Variants in CCSER1 observed in about 807,000 individuals in gnomAD.
CCSER1 encodes the protein coiled-coil serine rich protein 1, also known as serine-rich coiled-coil domain-containing protein 1.
A neutral mutation model predicts 82.0 loss-of-function variants in CCSER1; 41 were observed. That is an observed-to-expected ratio of 0.50 (90% confidence interval 0.39 to 0.65). CCSER1 has a LOEUF of 0.65. Among genes scored for constraint, CCSER1 ranks in the 30% least tolerant of loss-of-function variants. The probability of loss-of-function intolerance (pLI) is 0.00; values close to 1 mark genes in which losing one functional copy is unlikely to be tolerated. For missense variants in CCSER1, 1,119 were observed against 1,064.2 expected (o/e 1.05, Z -0.72); for synonymous variants, 414 against 383.9 (o/e 1.08, Z -0.92).
chr4:91,559,461 C>G (rs1400351), intron 10 of CCSER1, among the ~76,000 whole-genome samples: 81,513 of 151,146 alleles, frequency 0.54, 22,196 homozygotes, highest in East Asian at 0.61. Context: ...ATTTTTCCCC[C>G]TGGGATATTT....
intron 1 of CCSER1, among the ~76,000 whole-genome samples, chr4:90,304,078 C>T (rs1733735316): frequency 6.6e-6 from 1 of 152,080 alleles, no homozygotes; most frequent in African/African-American, 2.4e-5. Flanking sequence ...CAGAGAAATG[C>T]AAATCAAAAC....
chr4:90,388,693 T>A (rs1750485888), intron 3 of CCSER1, among the ~76,000 whole-genome samples: 1 of 152,022 alleles, frequency 6.6e-6, no homozygotes, highest in Non-Finnish European at 1.5e-5. Flanking sequence ...TGGAGTGCAA[T>A]GTCGTGATCT....
intron 10 of CCSER1, among the ~76,000 whole-genome samples, chr4:91,450,150 C>T (rs1359977248): frequency 6.6e-6 from 1 of 151,996 alleles, no homozygotes; most frequent in African/African-American, 2.4e-5. Flanking sequence ...TCATGCTGTG[C>T]AAGAGAATTG....
At chr4:90,797,799 C>T (rs79666322) in intron 7 of CCSER1, among the ~76,000 whole-genome samples, 14,732 of 152,060 alleles carry the variant, frequency 0.097, 1,054 homozygotes, top group African/African-American at 0.2. Flanking sequence ...GAATATAGGC[C>T]GCCAATGTCT....
intron 8 of CCSER1, among the ~76,000 whole-genome samples, chr4:90,916,718 G>A (rs1727490063): frequency 6.6e-6 from 1 of 152,128 alleles, no homozygotes; most frequent in Non-Finnish European, 1.5e-5. Flanking sequence ...CCATCAGAGT[G>A]AACAGGCAAC....
In CCSER1 at chr4:90,311,080, G is replaced by T. The variant is rs181126662; in HGVS notation, c.1324+1472G>T. Among the ~76,000 whole-genome samples the T allele has an allele frequency of 5.9e-5, 9 of 152,052 alleles. No individual in the cohort carries two copies. The East Asian group carries it at 1.7e-3, about 29-fold the overall frequency. On this transcript the variant is annotated intron_variant, in intron 2 of 10. Coordinates refer to ENST00000509176, the MANE Select transcript of CCSER1 (RefSeq NM_001145065.2). ...TGCCCAAAAATGTACTAAGAAGATTGCATGCACTGTTTCATATAGTCCTTA... is the reference window on the plus strand; with the variant it reads ...TGCCCAAAAATGTACTAAGAAGATTTCATGCACTGTTTCATATAGTCCTTA...
intron 8 of CCSER1, among the ~76,000 whole-genome samples, chr4:90,921,401 A>G (rs1241768335): frequency 2.0e-5 from 3 of 152,012 alleles, no homozygotes; most frequent in Non-Finnish European, 4.4e-5. Context: ...AAATAATTCA[A>G]ACACATCATT....
intron 8 of CCSER1, among the ~76,000 whole-genome samples, chr4:90,902,522 G>T (rs1158306138): frequency 6.6e-6 from 1 of 151,876 alleles, no homozygotes; most frequent in Non-Finnish European, 1.5e-5. Context: ...TGTTTTCTAT[G>T]ATATTTTGGC....
intron 8 of CCSER1, among the ~76,000 whole-genome samples, chr4:90,840,278 T>C (rs1762422697): frequency 6.6e-6 from 1 of 152,176 alleles, no homozygotes; most frequent in South Asian, 2.1e-4. Flanking sequence ...GTATCTTAAT[T>C]CAGAATTAGA....
intron 10 of CCSER1, among the ~76,000 whole-genome samples, chr4:91,430,140 G>T (rs916614970): frequency 6.6e-5 from 10 of 151,788 alleles, no homozygotes; most frequent in Admixed American, 2.6e-4. Flanking sequence ...TGGGATACTT[G>T]GTATATATGT....
chr4:91,275,608 C>T (rs147853512), intron 10 of CCSER1, among the ~76,000 whole-genome samples: 22 of 152,140 alleles, frequency 1.4e-4, no homozygotes, highest in East Asian at 1.4e-3. Context: ...CAAATATTTT[C>T]TCTCATTCTA....
intron 4 of CCSER1, among the ~76,000 whole-genome samples, chr4:90,423,563 C>T (rs1230952644): frequency 2.0e-5 from 3 of 151,938 alleles, no homozygotes; most frequent in Non-Finnish European, 4.4e-5. Context: ...TAACCTCCGC[C>T]TCCTGAGTTT....
At chr4:91,506,344 T>A (rs1395264014) in intron 10 of CCSER1, among the ~76,000 whole-genome samples, 2 of 152,166 alleles carry the variant, frequency 1.3e-5, no homozygotes, top group Non-Finnish European at 2.9e-5. Flanking sequence ...AGCCTTGTAT[T>A]CTAGTTTGAA....
At chr4:91,285,565 T>C (rs569693334) in intron 10 of CCSER1, among the ~76,000 whole-genome samples, 1 of 151,918 alleles carries the variant, frequency 6.6e-6, no homozygotes, top group African/African-American at 2.4e-5. Flanking sequence ...TTAATCCTAC[T>C]AAAAATAGAA....
At chr4:91,261,189 G>C (rs1239415051) in intron 10 of CCSER1, among the ~76,000 whole-genome samples, 1 of 152,100 alleles carries the variant, frequency 6.6e-6, no homozygotes, top group Non-Finnish European at 1.5e-5. Context: ...TCCAAATATA[G>C]CCATGGTTGA....
At chr4:90,240,249 G>A (rs1005908700) in intron 1 of CCSER1, among the ~76,000 whole-genome samples, 4 of 152,088 alleles carry the variant, frequency 2.6e-5, no homozygotes, top group Non-Finnish European at 5.9e-5. Context: ...GCCTGTAGTG[G>A]ACTCAGTAGG....
intron 9 of CCSER1, among the ~76,000 whole-genome samples, chr4:91,072,299 T>C (rs1721519573): frequency 6.6e-6 from 1 of 151,808 alleles, no homozygotes; most frequent in Non-Finnish European, 1.5e-5. Context: ...TTTCTTTTAA[T>C]TTTTGTCTGC....
rs139035160 is a variant in CCSER1, at chr4:90,928,042, C to T, written c.2172+4595C>T. 3.9e-4 allele frequency among the ~76,000 whole-genome samples: 60 copies of T among 152,084 alleles called. 1 individual carries two copies. The East Asian group carries it at 9.3e-3, about 23-fold the overall frequency. On this transcript the variant is annotated intron_variant, in intron 9 of 10. Coordinates refer to ENST00000509176, the MANE Select transcript of CCSER1 (RefSeq NM_001145065.2). ...TACTTCTATCTTCTTAAATTCAGTA[C>T]TTCTCCTGATCATGTATGAATGTGC...
chr4:90,534,449 G>A (rs1468220999), intron 5 of CCSER1, among the ~76,000 whole-genome samples: 1 of 119,100 alleles, frequency 8.4e-6, no homozygotes, highest in East Asian at 2.0e-4. Context: ...TTTTGTGTGT[G>A]TGTGTGTGTG....
Sources: allele counts gnomAD v4.1 joint callset (sites outside exome capture counted in the v4.1 genomes callset), GRCh38; gene constraint gnomAD v4.1.1; transcripts MANE v1.5; gene names NCBI Gene and HGNC (gene_info 2026-07-23, HGNC 2026-07-21).